The following MAGI2 variants were observed in gnomAD, a reference collection of about 807,000 sequenced individuals.
The protein encoded by MAGI2 is membrane-associated guanylate kinase, WW and PDZ domain-containing protein 2.
Under a neutral mutation model 133.3 loss-of-function variants are expected in MAGI2, and 35 were observed. The ratio of observed to expected loss-of-function variants is 0.26; its 90% CI spans 0.20 to 0.35. The LOEUF (loss-of-function observed/expected upper bound fraction) is 0.35. Among genes scored for constraint, MAGI2 ranks in the 10% least tolerant of loss-of-function variants. The pLI is 1.00. For synonymous variants in MAGI2, 729 were observed against 710.6 expected (o/e 1.03, Z -0.41); for missense variants, 1,636 against 1,863.4 (o/e 0.88, Z 2.25).
At chr7:79,241,850 G>T (rs1438748082) in intron 1 of MAGI2, among the ~76,000 whole-genome samples, 1 of 152,150 alleles carries the variant, frequency 6.6e-6, no homozygotes, top group Non-Finnish European at 1.5e-5. Context: ...ACCTGGATTT[G>T]TGCCTCATGA....
intron 1 of MAGI2, among the ~76,000 whole-genome samples, chr7:79,203,691 C>T (rs1221446685): frequency 6.6e-6 from 1 of 151,806 alleles, no homozygotes; most frequent in African/African-American, 2.4e-5. Context: ...AGCAAGGGGA[C>T]AGAAAAAAAA....
chr7:78,571,197 G>C (rs1254950687), intron 3 of MAGI2, among the ~76,000 whole-genome samples: 2 of 152,102 alleles, frequency 1.3e-5, no homozygotes, highest in South Asian at 2.1e-4. Context: ...AGCCTCTTAA[G>C]TTTCCTGTAG....
intron 2 of MAGI2, among the ~76,000 whole-genome samples, chr7:78,652,799 T>C (rs1811720387): frequency 6.6e-6 from 1 of 151,984 alleles, no homozygotes; most frequent in Admixed American, 6.6e-5. Context: ...CTAATTAAAC[T>C]AAAGAGCTTC....
At chr7:79,301,805 C>G (rs1229056781) in intron 1 of MAGI2, among the ~76,000 whole-genome samples, 1 of 152,172 alleles carries the variant, frequency 6.6e-6, no homozygotes, top group Non-Finnish European at 1.5e-5. Flanking sequence ...TGGAATAGGG[C>G]CTGGTGGAAG....
At chr7:79,090,898 C>T (rs921411178) in intron 1 of MAGI2, among the ~76,000 whole-genome samples, 1 of 152,048 alleles carries the variant, frequency 6.6e-6, no homozygotes, top group African/African-American at 2.4e-5. Flanking sequence ...TGACCACTTC[C>T]GTGATTTATC....
At chr7:79,248,509 C>G (rs1477299477) in intron 1 of MAGI2, among the ~76,000 whole-genome samples, 1 of 152,070 alleles carries the variant, frequency 6.6e-6, no homozygotes, top group Non-Finnish European at 1.5e-5. Flanking sequence ...GCACTATAGA[C>G]CGAATGGACT....
chr7:79,073,442 C>A (rs1219265147), intron 1 of MAGI2, among the ~76,000 whole-genome samples: 6 of 152,102 alleles, frequency 3.9e-5, no homozygotes, highest in Admixed American at 3.9e-4. Flanking sequence ...TTCTCAAAAT[C>A]ATTTCAGTTT....
intron 2 of MAGI2, among the ~76,000 whole-genome samples, chr7:78,888,382 C>T (rs1030772340): frequency 9.9e-5 from 15 of 152,262 alleles, no homozygotes; most frequent in Admixed American, 5.2e-4. Flanking sequence ...AAGAGAGTAG[C>T]GGTTCTCCCA....
At chr7:78,789,480 A>G (rs1277167377) in intron 2 of MAGI2, among the ~76,000 whole-genome samples, 1 of 152,210 alleles carries the variant, frequency 6.6e-6, no homozygotes, top group Non-Finnish European at 1.5e-5. Flanking sequence ...AACATTTTGC[A>G]TATTCTTTTA....
chr7:79,251,063 A>G (rs4730733), intron 1 of MAGI2, among the ~76,000 whole-genome samples: 1 of 152,188 alleles, frequency 6.6e-6, no homozygotes, highest in South Asian at 2.1e-4. Flanking sequence ...AGACCCTTAC[A>G]TCTTGCCATA....
At chr7:78,396,664 C>T (rs1471115864) in intron 6 of MAGI2, among the ~76,000 whole-genome samples, 1 of 152,158 alleles carries the variant, frequency 6.6e-6, no homozygotes, top group African/African-American at 2.4e-5. Context: ...TTCTAATCTT[C>T]ACTTGAGACT....
chr7:78,304,338 C>T (rs1584800066), intron 9 of MAGI2, among the ~76,000 whole-genome samples: 2 of 152,296 alleles, frequency 1.3e-5, no homozygotes, highest in South Asian at 4.1e-4. Context: ...GCCAAGGATG[C>T]TCCTACCTTT....
In MAGI2 at chr7:79,094,231, A is replaced by G. The variant is rs139914527; in HGVS notation, c.302-87025T>C. ...TTTCAAAAATGTTCACAGCATCTTC[A>G]GCAGTAGAATCCATCTCAAGAAGCC... On this transcript the variant is annotated intron_variant, in intron 1 of 21. Transcript: ENST00000354212. Among the ~76,000 whole-genome samples, 158 of 152,340 alleles carry G rather than the reference A, an allele frequency of 1.0e-3. 1 individual carries two copies. The highest frequency in any genetic ancestry group is 8.0e-3 in the Admixed American group (123 of 15,302).
chr7:78,337,787 G>T (rs1789924978), intron 9 of MAGI2, among the ~76,000 whole-genome samples: 1 of 152,104 alleles, frequency 6.6e-6, no homozygotes. Context: ...GTGCTTCAGT[G>T]GTCCGCTACA....
chr7:78,828,269 C>T (rs1410079137), intron 2 of MAGI2, among the ~76,000 whole-genome samples: 1 of 152,160 alleles, frequency 6.6e-6, no homozygotes, highest in Non-Finnish European at 1.5e-5. Flanking sequence ...AGTAACTTAA[C>T]AGTGGAGAAA....
At chr7:78,273,555 G>A (rs912797463) in intron 9 of MAGI2, among the ~76,000 whole-genome samples, 7 of 152,032 alleles carry the variant, frequency 4.6e-5, no homozygotes, top group East Asian at 1.9e-4. Flanking sequence ...CATTCTCCCC[G>A]TCACTTTCAG....
At chr7:78,796,154 A>G (rs114667585) in intron 2 of MAGI2, among the ~76,000 whole-genome samples, 4,123 of 152,276 alleles carry the variant, frequency 0.027, 198 homozygotes, top group African/African-American at 0.094. Context: ...CAGGCTAAAA[A>G]GCTTTTACAC....
intron 3 of MAGI2, among the ~76,000 whole-genome samples, chr7:78,537,650 G>A (rs1798067447): frequency 6.6e-6 from 1 of 152,060 alleles, no homozygotes. Context: ...CTTTTTGTGA[G>A]AACTGTCCAT....
chr7:78,203,498 C>T (rs913059597), intron 10 of MAGI2, among the ~76,000 whole-genome samples: 2 of 152,284 alleles, frequency 1.3e-5, no homozygotes, highest in Non-Finnish European at 2.9e-5. Context: ...CCTCATTCTT[C>T]TAAGGCTGAT....
Sources: gnomAD v4.1 joint callset for allele counts (sites outside exome capture counted in the v4.1 genomes callset) on GRCh38, gnomAD v4.1.1 for gene constraint, MANE v1.5 for transcripts, NCBI Gene and HGNC (gene_info 2026-07-23, HGNC 2026-07-21) for gene names.